The following PALMD variants were observed in gnomAD, a reference collection of about 807,000 sequenced individuals.
The protein encoded by PALMD is paralemmin-like protein.
In PALMD, 42 loss-of-function variants were observed where a neutral mutation model predicts 56.2. That is an observed-to-expected ratio of 0.75 (90% confidence interval 0.58 to 0.97). The LOEUF is 0.97. Ranked by LOEUF, PALMD falls within the 50% of genes least tolerant of loss-of-function variation. The pLI is 0.00. For missense variants in PALMD, 660 were observed against 643.8 expected (o/e 1.03, Z -0.27); for synonymous variants, 242 against 222.9 (o/e 1.09, Z -0.76).
chr1:99,652,174 G>A (rs777917009), intron 1 of PALMD, among the ~76,000 whole-genome samples: 1 of 152,174 alleles, frequency 6.6e-6, no homozygotes, highest in African/African-American at 2.4e-5. Context: ...AGAAAGCCTA[G>A]GCCAAGAAAA....
In PALMD at chr1:99,662,343, A is replaced by T. The variant is rs1214587046; in HGVS notation, c.70A>T (p.Ile24Phe). 6.4e-7 allele frequency: 1 copy of T among 1,568,456 alleles called. No individual in the cohort carries two copies. The highest frequency in any genetic ancestry group is 1.7e-5 in the Admixed American group (1 of 58,074). ...ITDKRKIQEE[I>F]SQKRLKIEED... is the part of the protein sequence containing the mutation. Reference sequence around the variant, plus strand: ...GGATAAAAGAAAAATACAGGAAGAAATCTCACAGAAGCGTCTGAAAATAGA... The same window carrying T: ...GGATAAAAGAAAAATACAGGAAGAATTCTCACAGAAGCGTCTGAAAATAGA... The change falls in exon 2 of 8, where the codon ATC (isoleucine) becomes TTC (phenylalanine). Residue 24 changes from isoleucine to phenylalanine, a missense_variant. Transcript: ENST00000263174.
chr1:99,657,512 T>C (rs976843698), intron 1 of PALMD, among the ~76,000 whole-genome samples: 1 of 152,012 alleles, frequency 6.6e-6, no homozygotes, highest in African/African-American at 2.4e-5. Context: ...AGTTGTGCAG[T>C]GGCCTAACTG....
At position 99,689,198 on chromosome 1, in the gene PALMD, G is replaced by A; in HGVS notation, c.938G>A (p.Arg313Lys). Residue 313 changes from arginine to lysine, a missense_variant, in exon 7 of 8, where the codon AGG (arginine) becomes AAG (lysine). Coordinates refer to ENST00000263174, the MANE Select transcript of PALMD (RefSeq NM_017734.5). ...HNMGNGLSEE[R>K]GNNFNHISPI... ...ATGGGCAATGGTCTTTCAGAGGAAA[G>A]GGGAAACAACTTCAATCACATCAGT... 6.2e-7 allele frequency: 1 copy of A among 1,613,528 alleles called. No individual in the cohort carries two copies. Among genetic ancestry groups the A allele is most frequent in the Non-Finnish European group, 8.5e-7 (1 of 1,179,746 alleles).
chr1:99,673,025 A>G (rs148338608), intron 3 of PALMD, among the ~76,000 whole-genome samples: 1 of 152,286 alleles, frequency 6.6e-6, no homozygotes, highest in Non-Finnish European at 1.5e-5. Context: ...GAGAAAAGCC[A>G]AGTGGGCTGG....
chr1:99,659,102 C>T (rs1652790286), intron 1 of PALMD, among the ~76,000 whole-genome samples: 1 of 152,170 alleles, frequency 6.6e-6, no homozygotes, highest in African/African-American at 2.4e-5. Flanking sequence ...GCCTTCCTGA[C>T]AGGACTAGGC....
chr1:99,688,979 A>G lies in PALMD; in HGVS notation c.719A>G (p.Glu240Gly). The G allele has an allele frequency of 1.9e-6, 3 of 1,613,778 alleles. No individual in the cohort carries two copies. The highest frequency in any genetic ancestry group is 2.5e-6 in the Non-Finnish European group (3 of 1,179,750). Reference sequence around the variant, plus strand: ...GATGGCCTGGCACCAGTTGAAGTAGAGGAACTTCTAAGACAAGCCTCAGAG... The same window carrying G: ...GATGGCCTGGCACCAGTTGAAGTAGGGGAACTTCTAAGACAAGCCTCAGAG... Reference protein sequence around the residue: ...GTDGLAPVEVEELLRQASERN... With the variant: ...GTDGLAPVEVGELLRQASERN... Residue 240 changes from glutamate to glycine, a missense_variant, in exon 7 of 8, where the codon GAG becomes GGG. Glu to Gly is a moderately conservative substitution (Grantham distance 98). Coordinates refer to ENST00000263174, the MANE Select transcript of PALMD (RefSeq NM_017734.5).
intron 1 of PALMD, among the ~76,000 whole-genome samples, chr1:99,661,614 C>G (rs944459359): frequency 6.6e-6 from 1 of 152,164 alleles, no homozygotes; most frequent in South Asian, 2.1e-4. Context: ...AAAAGTCAAA[C>G]CCAGGCTGTC....
At position 99,689,494 on chromosome 1, in the gene PALMD, C is replaced by T. The variant is rs767922307; in HGVS notation, c.1234C>T (p.Pro412Ser). Residue 412 changes from proline to serine, a missense_variant, in exon 7 of 8, where the codon CCG becomes TCG. Pro to Ser is a moderately conservative substitution (Grantham distance 74, BLOSUM62 -1). Coordinates refer to ENST00000263174, the MANE Select transcript of PALMD (RefSeq NM_017734.5). Reference protein sequence around the residue: ...SLPPDINDTEPVTMIFMGYQQ... With the variant: ...SLPPDINDTESVTMIFMGYQQ... ...GCCTCCAGACATAAATGATACAGAA[C>T]CGGTGACAATGATTTTCATGGGGTA... 3.1e-6 allele frequency: 5 copies of T among 1,613,726 alleles called. No individual in the cohort carries two copies. In the South Asian group the frequency reaches 5.5e-5, roughly 18 times the overall value.
Position 99,694,286 on chromosome 1 carries a change from TG to T in PALMD, c.*229del. The T allele has an allele frequency of 4.9e-6, 2 of 406,452 alleles. No homozygotes were observed. The highest frequency in any genetic ancestry group is 8.4e-5 in the Admixed American group (2 of 23,926). The allele number at this position is 406,452 out of a possible 1,614,324, so 25.2% of individuals were successfully genotyped here. A position where few individuals can be genotyped will look rare whatever the true frequency, so the allele number is the denominator to read the frequency against. Reference sequence around the variant, plus strand: ...TTTCCAGTTACTTGACACGATTCAGTGGGGGAAAACCAGCATTTTTTATTCT... The same window carrying T: ...TTTCCAGTTACTTGACACGATTCAGTGGGGAAAACCAGCATTTTTTATTCT... On this transcript the variant is annotated 3_prime_UTR_variant, in exon 8 of 8. Coordinates refer to ENST00000263174, the MANE Select transcript of PALMD (RefSeq NM_017734.5).
At chr1:99,663,666 T>C (rs1160542836) in intron 2 of PALMD, among the ~76,000 whole-genome samples, 2 of 152,044 alleles carry the variant, frequency 1.3e-5, no homozygotes, top group Non-Finnish European at 2.9e-5. Flanking sequence ...CTGAGTAAAA[T>C]GATAGCTCTC....
At chr1:99,683,206 T>G (rs1653412603) in intron 3 of PALMD, 1 of 151,690 alleles carries the variant, frequency 6.6e-6, no homozygotes, top group Admixed American at 6.6e-5. Flanking sequence ...TGACCAGATC[T>G]CTAAATGTTG....
intron 1 of PALMD, among the ~76,000 whole-genome samples, chr1:99,660,531 A>G (rs1652825432): frequency 6.6e-6 from 1 of 152,232 alleles, no homozygotes; most frequent in Non-Finnish European, 1.5e-5. Flanking sequence ...CAACCTCTAG[A>G]GAGAGTGAAG....
At chr1:99,673,214 A>G (rs552770139) in intron 3 of PALMD, among the ~76,000 whole-genome samples, 7 of 152,344 alleles carry the variant, frequency 4.6e-5, no homozygotes, top group African/African-American at 9.6e-5. Flanking sequence ...ATGTAGAAAT[A>G]TAAAAGTTAA....
At chr1:99,679,991 T>G (rs772337015) in intron 3 of PALMD, among the ~76,000 whole-genome samples, 1 of 152,240 alleles carries the variant, frequency 6.6e-6, no homozygotes, top group Admixed American at 6.5e-5. Context: ...CATGAAGTAC[T>G]GAAAGGTAGG....
chr1:99,681,101 A>C (rs74781716), intron 3 of PALMD, among the ~76,000 whole-genome samples: 1 of 51,076 alleles, frequency 2.0e-5, no homozygotes, highest in South Asian at 9.9e-4. Flanking sequence ...ATGTGTGTGT[A>C]TATATGTGTG....
intron 1 of PALMD, among the ~76,000 whole-genome samples, chr1:99,646,918 T>C (rs1053724547): frequency 1.1e-4 from 17 of 152,244 alleles, no homozygotes; most frequent in Non-Finnish European, 2.9e-5. Context: ...TAAAAGCACG[T>C]ATCAGATTAA....
intron 1 of PALMD, among the ~76,000 whole-genome samples, chr1:99,654,087 A>G (rs1652655792): frequency 6.6e-6 from 1 of 152,050 alleles, no homozygotes; most frequent in South Asian, 2.1e-4. Flanking sequence ...ATAAAAAAGC[A>G]TCACCCCTGG....
intron 2 of PALMD, among the ~76,000 whole-genome samples, chr1:99,662,839 T>C (rs1450455803): frequency 6.6e-6 from 1 of 152,228 alleles, no homozygotes; most frequent in African/African-American, 2.4e-5. Flanking sequence ...TTCAGTGCAA[T>C]GAGTCCAATG....
chr1:99,689,019 C>A lies in PALMD; in HGVS notation c.759C>A (p.Ser253=), dbSNP rs1653592693. The change falls in exon 7 of 8, where the codon TCC becomes TCA. Residue 253 remains serine, a synonymous_variant. Transcript: ENST00000263174. ...LRQASERNSK[S]PTEYHEPVYA... is the part of the protein sequence containing the mutation. The stretch of plus-strand genomic sequence containing the variant: ...AAGCCTCAGAGAGAAACTCTAAATC[C>A]CCAACAGAGTATCATGAGCCTGTAT... 2.5e-6 allele frequency: 4 copies of A among 1,613,600 alleles called. No individual in the cohort carries two copies. The East Asian group carries it at 8.9e-5, about 36-fold the overall frequency.
Sources: allele counts gnomAD v4.1 joint callset (sites outside exome capture counted in the v4.1 genomes callset), GRCh38; gene constraint gnomAD v4.1.1; transcripts MANE v1.5; gene names NCBI Gene and HGNC (gene_info 2026-07-23, HGNC 2026-07-21).